PTPRN2: variants seen among roughly 807,000 people sequenced by gnomAD.
PTPRN2 encodes the protein protein tyrosine phosphatase receptor type N2.
In PTPRN2, 74 loss-of-function variants were observed where a neutral mutation model predicts 118.8. The observed-to-expected ratio is 0.62, with a 90% CI of 0.52 to 0.76. The LOEUF is 0.76. PTPRN2 is among the 30% of genes least tolerant of loss of function. The probability of loss-of-function intolerance (pLI) is 0.00; values close to 1 mark genes in which losing one functional copy is unlikely to be tolerated. For missense variants in PTPRN2, 1,481 were observed against 1,394.4 expected (o/e 1.06, Z -0.99); for synonymous variants, 641 against 608.0 (o/e 1.05, Z -0.80).
At chr7:158,326,511 A>G (rs1257640141) in intron 2 of PTPRN2, among the ~76,000 whole-genome samples, 6 of 152,200 alleles carry the variant, frequency 3.9e-5, no homozygotes, top group African/African-American at 1.4e-4. Flanking sequence ...TGCACACACA[A>G]TGTATGCAGA....
At chr7:157,969,723 G>C (rs148857742) in intron 11 of PTPRN2, among the ~76,000 whole-genome samples, 1 of 152,164 alleles carries the variant, frequency 6.6e-6, no homozygotes, top group East Asian at 1.9e-4. Flanking sequence ...GTTTGGCTTA[G>C]ACAGATTGGG....
chr7:158,256,520 A>G (rs1427519639), intron 3 of PTPRN2, among the ~76,000 whole-genome samples: 1 of 151,924 alleles, frequency 6.6e-6, no homozygotes, highest in Non-Finnish European at 1.5e-5. Context: ...GCCCCGGAAG[A>G]CCTACCTATT....
chr7:158,357,446 CG>C (rs1353636130), intron 2 of PTPRN2, among the ~76,000 whole-genome samples: 1 of 152,204 alleles, frequency 6.6e-6, no homozygotes, highest in Non-Finnish European at 1.5e-5. Context: ...CTGGCTTGCT[CG>C]GTAGACGCCA....
chr7:157,886,302 G>A (rs560566684), intron 12 of PTPRN2, among the ~76,000 whole-genome samples: 23 of 152,238 alleles, frequency 1.5e-4, no homozygotes, highest in Non-Finnish European at 2.6e-4. Context: ...GTGTCCCTGC[G>A]ACTGAAATCT....
chr7:158,267,321 C>CG (rs1797952626), intron 3 of PTPRN2, among the ~76,000 whole-genome samples: 1 of 152,054 alleles, frequency 6.6e-6, no homozygotes, highest in South Asian at 2.1e-4. Context: ...CGGGGAACCC[C>CG]GGGGGCGTGG....
intron 2 of PTPRN2, among the ~76,000 whole-genome samples, chr7:158,322,727 C>T (rs1183619637): frequency 6.6e-6 from 1 of 152,266 alleles, no homozygotes. Flanking sequence ...TTGTGCAGAG[C>T]CTGCGGGAAT....
At chr7:158,359,814 A>C (rs1808710109) in intron 2 of PTPRN2, among the ~76,000 whole-genome samples, 4 of 152,196 alleles carry the variant, frequency 2.6e-5, no homozygotes, top group Admixed American at 2.6e-4. Flanking sequence ...AGATGCCTGA[A>C]GAAGGCATTC....
In PTPRN2 at chr7:157,987,313, G is replaced by A. The variant is rs1417616863; in HGVS notation, c.1724-88576C>T. 6.7e-6 allele frequency among the ~76,000 whole-genome samples: 1 copy of A among 150,122 alleles called. No homozygotes were observed. Reference sequence around the variant, plus strand: ...GATGACCGGTCACTAAAGGGGGCGAGGTTACCAGTCACTAAAGGGAAAGGG... The same window carrying A: ...GATGACCGGTCACTAAAGGGGGCGAAGTTACCAGTCACTAAAGGGAAAGGG... On this transcript the variant is annotated intron_variant, in intron 11 of 22. Transcript: ENST00000389418. The surrounding 1 kb of genome is among the most constrained non-coding windows in gnomAD (Gnocchi z 4.3).
At chr7:157,910,989 A>T (rs1280512680) in intron 11 of PTPRN2, among the ~76,000 whole-genome samples, 1 of 152,220 alleles carries the variant, frequency 6.6e-6, no homozygotes, top group African/African-American at 2.4e-5. Flanking sequence ...TTTAAAGCTT[A>T]ATTCCCAGAG....
At chr7:158,319,564 C>T (rs1362048512) in intron 2 of PTPRN2, among the ~76,000 whole-genome samples, 1 of 146,998 alleles carries the variant, frequency 6.8e-6, no homozygotes, top group African/African-American at 2.5e-5. Context: ...CACGGTCTCC[C>T]TCACACACGC....
At chr7:157,902,240 C>A (rs576822778) in intron 11 of PTPRN2, among the ~76,000 whole-genome samples, 1 of 152,228 alleles carries the variant, frequency 6.6e-6, no homozygotes, top group African/African-American at 2.4e-5. Flanking sequence ...GCGTCAGCTG[C>A]GGCCAATAGT....
chr7:158,396,939 G>C (rs1200681174), intron 2 of PTPRN2, among the ~76,000 whole-genome samples: 1 of 152,204 alleles, frequency 6.6e-6, no homozygotes, highest in Non-Finnish European at 1.5e-5. Flanking sequence ...TGACATGATG[G>C]TACAATGGCC....
intron 14 of PTPRN2, among the ~76,000 whole-genome samples, chr7:157,634,292 T>C (rs1804160336): frequency 6.6e-6 from 1 of 152,204 alleles, no homozygotes; most frequent in Admixed American, 6.5e-5. Flanking sequence ...ACAGTCTGGA[T>C]AAAAACCTGA....
intron 2 of PTPRN2, among the ~76,000 whole-genome samples, chr7:158,318,607 A>C (rs1179293649): frequency 6.6e-6 from 1 of 152,206 alleles, no homozygotes; most frequent in Non-Finnish European, 1.5e-5. Context: ...GGAGGCTCAG[A>C]AGCCCAGGGC....
rs1393741820 is a variant in PTPRN2, at chr7:158,003,674, G to A, written c.1723+77624C>T. The stretch of plus-strand genomic sequence containing the variant: ...CTGTGGGGCTTCACCGTGGCCACCC[G>A]AGCTGACTGACAGGGGTGGGGAAGC... On this transcript the variant is annotated intron_variant, in intron 11 of 22. Transcript: ENST00000389418. The surrounding 1 kb of genome is among the most constrained non-coding windows in gnomAD (Gnocchi z 5.0). 2.0e-5 allele frequency among the ~76,000 whole-genome samples: 3 copies of A among 152,104 alleles called. No homozygotes were observed. The highest frequency in any genetic ancestry group is 4.8e-5 in the African/African-American group (2 of 41,520).
At chr7:157,541,255 C>T (rs552632037) in intron 22 of PTPRN2, among the ~76,000 whole-genome samples, 2 of 152,362 alleles carry the variant, frequency 1.3e-5, no homozygotes, top group South Asian at 2.1e-4. Flanking sequence ...TTCCTGTCCT[C>T]GGAAGTGTGG....
chr7:157,780,742 A>G lies in PTPRN2; in HGVS notation c.1789-97805T>C, dbSNP rs1023789205. ...GGGCCACACCCAGCACGGAGAGAGC[A>G]CTTGACACTGTTGCTTGCATGTGCC... On this transcript the variant is annotated intron_variant, in intron 12 of 22. Coordinates refer to ENST00000389418, the MANE Select transcript of PTPRN2 (RefSeq NM_002847.5). This position sits in a 1 kb window ranked among gnomAD's most constrained non-coding sequence, Gnocchi z 4.5. Among the ~76,000 whole-genome samples, 14 of 152,194 alleles carry G rather than the reference A, an allele frequency of 9.2e-5. No homozygotes were observed. The highest frequency in any genetic ancestry group is 2.9e-4 in the African/African-American group (12 of 41,450).
intron 17 of PTPRN2, among the ~76,000 whole-genome samples, chr7:157,588,934 G>A (rs527804488): frequency 6.6e-6 from 1 of 152,176 alleles, no homozygotes; most frequent in Non-Finnish European, 1.5e-5. Flanking sequence ...GGCTCACTCT[G>A]TATATCTCTA....
At chr7:158,485,081 G>A (rs1204879125) in intron 2 of PTPRN2, among the ~76,000 whole-genome samples, 2 of 152,066 alleles carry the variant, frequency 1.3e-5, no homozygotes, top group Non-Finnish European at 2.9e-5. Context: ...GCAACGGCCC[G>A]CAGGCCCGTG....
Sources: gnomAD v4.1 joint callset for allele counts (sites outside exome capture counted in the v4.1 genomes callset) on GRCh38, gnomAD v4.1.1 for gene constraint, Gnocchi (gnomAD v3.1) non-coding constraint, MANE v1.5 for transcripts, NCBI Gene and HGNC (gene_info 2026-07-23, HGNC 2026-07-21) for gene names.